Variants in CACNA1C observed in about 807,000 individuals in gnomAD.
CACNA1C encodes the protein voltage-dependent L-type calcium channel subunit alpha-1C.
CACNA1C carries 30 observed loss-of-function variants against 229.0 expected under a neutral mutation model. The ratio of observed to expected loss-of-function variants is 0.13; its 90% confidence interval spans 0.10 to 0.18. The LOEUF is 0.18. Among genes scored for constraint, CACNA1C ranks in the 10% least tolerant of loss-of-function variants. The probability of loss-of-function intolerance (pLI) is 1.00; values close to 1 mark genes in which losing one functional copy is unlikely to be tolerated. For missense variants in CACNA1C, 1,658 were observed against 2,845.0 expected (o/e 0.58, Z 9.49); for synonymous variants, 1,114 against 1,132.5 (o/e 0.98, Z 0.33).
chr12:2,222,033 T>C (rs1171155627), intron 3 of CACNA1C, among the ~76,000 whole-genome samples: 1 of 152,254 alleles, frequency 6.6e-6, no homozygotes, highest in African/African-American at 2.4e-5. Context: ...CTGGAAGGTA[T>C]AATAGGTATA....
At chr12:2,092,496 G>A (rs965929561) in intron 1 of CACNA1C, among the ~76,000 whole-genome samples, 1 of 152,154 alleles carries the variant, frequency 6.6e-6, no homozygotes, top group African/African-American at 2.4e-5. Flanking sequence ...CACCCTGGAC[G>A]TGGCATTGAG....
intron 6 of CACNA1C, among the ~76,000 whole-genome samples, chr12:2,489,412 C>T (rs554716910): frequency 3.3e-5 from 5 of 152,318 alleles, no homozygotes; most frequent in African/African-American, 7.2e-5. Context: ...CCGGTGAAGG[C>T]GGTCTCAGAA....
At chr12:2,670,318 C>T (rs528433857) in intron 38 of CACNA1C, among the ~76,000 whole-genome samples, 39 of 152,212 alleles carry the variant, frequency 2.6e-4, no homozygotes, top group African/African-American at 8.9e-4. Flanking sequence ...GTGGGAGGCT[C>T]GAATCCGAGT....
chr12:2,432,258 A>T (rs1185293392), intron 3 of CACNA1C, among the ~76,000 whole-genome samples: 1 of 152,206 alleles, frequency 6.6e-6, no homozygotes, highest in Non-Finnish European at 1.5e-5. Flanking sequence ...TTTAGGGGGC[A>T]TGTGGTCGGC....
At position 2,202,803 on chromosome 12, in the gene CACNA1C, G is replaced by A. The variant is rs546820223; in HGVS notation, c.477+82373G>A. ...GTTGTCCTCTTCCCCATGAGCGGAGGGTGGAATGAGGCTTGAGGATAAAGG... is the reference window on the plus strand; with the variant it reads ...GTTGTCCTCTTCCCCATGAGCGGAGAGTGGAATGAGGCTTGAGGATAAAGG... On this transcript the variant is annotated intron_variant, in intron 3 of 46. Coordinates refer to ENST00000399655, the MANE Select transcript of CACNA1C (RefSeq NM_000719.7). 5.3e-4 allele frequency among the ~76,000 whole-genome samples: 81 copies of A among 152,268 alleles called. 1 individual carries two copies. In the Middle Eastern group the frequency reaches 0.01, roughly 19 times the overall value.
intron 1 of CACNA1C, among the ~76,000 whole-genome samples, chr12:2,055,907 G>A: frequency 6.6e-6 from 1 of 152,136 alleles, no homozygotes; most frequent in East Asian, 1.9e-4. Context: ...GGTGGGAAGG[G>A]CAGACCTAGA....
chr12:2,245,638 T>G (rs1175756432), intron 3 of CACNA1C, among the ~76,000 whole-genome samples: 1 of 152,240 alleles, frequency 6.6e-6, no homozygotes, highest in Non-Finnish European at 1.5e-5. Flanking sequence ...GCCATTTCTC[T>G]GTAATTCTGA....
chr12:2,294,318 A>G (rs959644512), intron 3 of CACNA1C, among the ~76,000 whole-genome samples: 2 of 151,564 alleles, frequency 1.3e-5, no homozygotes, highest in Non-Finnish European at 2.9e-5. Flanking sequence ...CGTGGCCCAT[A>G]GCATGAGGCA....
chr12:2,529,401 C>T (rs952203607), intron 9 of CACNA1C, among the ~76,000 whole-genome samples: 4 of 152,194 alleles, frequency 2.6e-5, no homozygotes, highest in Non-Finnish European at 2.9e-5. Flanking sequence ...TATCTGATAC[C>T]GTCTGCTGGG....
At chr12:2,252,566 C>CT (rs1256892199) in intron 3 of CACNA1C, among the ~76,000 whole-genome samples, 1 of 152,172 alleles carries the variant, frequency 6.6e-6, no homozygotes, top group Non-Finnish European at 1.5e-5. Flanking sequence ...CCTCCACTGT[C>CT]TATCAAGAAG....
intron 3 of CACNA1C, among the ~76,000 whole-genome samples, chr12:2,326,413 A>T (rs2096294703): frequency 6.6e-6 from 1 of 152,232 alleles, no homozygotes; most frequent in Non-Finnish European, 1.5e-5. Context: ...CTCTTCTAGC[A>T]ATTTGGATGT....
chr12:2,683,119 A>G (rs1286770902), intron 43 of CACNA1C, among the ~76,000 whole-genome samples: 2 of 152,192 alleles, frequency 1.3e-5, no homozygotes, highest in Non-Finnish European at 2.9e-5. Flanking sequence ...TGGCAAAGCC[A>G]GGCCTGAGAT....
At chr12:2,480,276 G>A (rs911444827) in intron 5 of CACNA1C, among the ~76,000 whole-genome samples, 17 of 152,082 alleles carry the variant, frequency 1.1e-4, no homozygotes, top group Non-Finnish European at 2.1e-4. Context: ...CAGCCCTGGC[G>A]CCGGGACCCT....
chr12:2,324,579 C>A (rs1462147306), intron 3 of CACNA1C, among the ~76,000 whole-genome samples: 1 of 152,266 alleles, frequency 6.6e-6, no homozygotes, highest in Non-Finnish European at 1.5e-5. Flanking sequence ...CTGAGCTGCA[C>A]CTGCTGGAGC....
At chr12:2,436,345 G>A (rs185649326) in intron 3 of CACNA1C, among the ~76,000 whole-genome samples, 49 of 152,324 alleles carry the variant, frequency 3.2e-4, no homozygotes, top group Admixed American at 3.1e-3. Flanking sequence ...TCCTCCAGCT[G>A]TAGATCTGAG....
intron 1 of CACNA1C, among the ~76,000 whole-genome samples, chr12:2,098,491 A>C (rs564016083): frequency 1.3e-5 from 2 of 152,306 alleles, no homozygotes; most frequent in East Asian, 3.9e-4. Flanking sequence ...GTACATATGC[A>C]GGGTGACCCA....
At chr12:2,028,408 T>C (rs1289158155) in intron 1 of CACNA1C, among the ~76,000 whole-genome samples, 2 of 152,220 alleles carry the variant, frequency 1.3e-5, no homozygotes, top group Non-Finnish European at 2.9e-5. Context: ...TAGAGGAGGA[T>C]GCTGAGGGCC....
chr12:2,440,430 G>A (rs971276324), intron 3 of CACNA1C, among the ~76,000 whole-genome samples: 4 of 152,118 alleles, frequency 2.6e-5, no homozygotes, highest in African/African-American at 7.2e-5. Flanking sequence ...TTCACGGCTC[G>A]TCCATGCTGT....
intron 5 of CACNA1C, among the ~76,000 whole-genome samples, chr12:2,461,946 C>T (rs940850403): frequency 1.3e-5 from 2 of 152,168 alleles, no homozygotes; most frequent in Non-Finnish European, 2.9e-5. Flanking sequence ...GCCCTCTGAA[C>T]AGCCAAGTCG....
Sources: allele counts gnomAD v4.1 joint callset (sites outside exome capture counted in the v4.1 genomes callset), GRCh38; gene constraint gnomAD v4.1.1; transcripts MANE v1.5; gene names NCBI Gene and HGNC (gene_info 2026-07-23, HGNC 2026-07-21).